Variants in SPPL3 observed in about 807,000 individuals in gnomAD.
The protein encoded by SPPL3 is signal peptide peptidase like 3.
In SPPL3, 5 loss-of-function variants were observed where a neutral mutation model predicts 42.4. The observed-to-expected ratio is 0.12, with a 90% CI of 0.06 to 0.25. The LOEUF is 0.25. Ranked by LOEUF, SPPL3 falls within the 10% of genes least tolerant of loss-of-function variation. The pLI is 1.00. For missense variants in SPPL3, 235 were observed against 489.0 expected, an observed-to-expected ratio of 0.48 and a Z score of 4.90; for synonymous variants, 195 against 181.8, an observed-to-expected ratio of 1.07 and a Z score of -0.58.
chr12:120,835,604 C>T (rs1871591159), intron 1 of SPPL3: 1 of 152,198 alleles, frequency 6.6e-6, no homozygotes, highest in African/African-American at 2.4e-5. Context: ...AAACTCTTCT[C>T]CCTCTTAAAA....
intron 1 of SPPL3, among the ~76,000 whole-genome samples, chr12:120,887,236 AGT>A (rs915050660): frequency 1.2e-4 from 19 of 152,106 alleles, no homozygotes; most frequent in Non-Finnish European, 1.5e-4. Flanking sequence ...GCGTGAAATA[AGT>A]ATTTTTATGT....
At chr12:120,867,841 G>A (rs553023167) in intron 1 of SPPL3, among the ~76,000 whole-genome samples, 67 of 151,732 alleles carry the variant, frequency 4.4e-4, no homozygotes, top group African/African-American at 1.2e-3. Context: ...TCCACCTCCC[G>A]GGTTCAAGTG....
rs189351541 is a variant in SPPL3, at chr12:120,800,315, C to T, written c.102-8758G>A. Among the ~76,000 whole-genome samples, 333 of 152,154 alleles carry T rather than the reference C, an allele frequency of 2.2e-3. 1 individual carries two copies. The highest frequency in any genetic ancestry group is 7.7e-3 in the African/African-American group (321 of 41,504). The stretch of plus-strand genomic sequence containing the variant: ...GTTAGAAGTTCGAGACCAGCCTGGA[C>T]AACATGGTGAAACCCCGTCTCTACT... On this transcript the variant is annotated intron_variant, in intron 2 of 10. Coordinates refer to ENST00000353487, the MANE Select transcript of SPPL3 (RefSeq NM_139015.5).
intron 1 of SPPL3, among the ~76,000 whole-genome samples, chr12:120,895,888 G>A (rs912078321): frequency 2.0e-5 from 3 of 152,130 alleles, no homozygotes; most frequent in East Asian, 1.9e-4. Context: ...CGAAGAAACC[G>A]TAACAGAATG....
At chr12:120,903,008 T>C (rs1340284471) in intron 1 of SPPL3, among the ~76,000 whole-genome samples, 1 of 152,134 alleles carries the variant, frequency 6.6e-6, no homozygotes, top group South Asian at 2.1e-4. Context: ...AACTACACAG[T>C]AGCTTCTCGC....
At chr12:120,768,233 A>G in intron 8 of SPPL3, 92 bp downstream of exon 8, 1 of 1,448,070 alleles carries the variant, frequency 6.9e-7, no homozygotes, top group East Asian at 2.3e-5. Context: ...CCAGGTTGGG[A>G]TCAGAATGCT....
chr12:120,768,940 C>CAT lies in SPPL3; in HGVS notation c.609+11_609+12dup. 6.3e-7 allele frequency: 1 copy of CAT among 1,595,086 alleles called. No individual in the cohort carries two copies. The highest frequency in any genetic ancestry group is 8.5e-7 in the Non-Finnish European group (1 of 1,170,318). ...CAAAGAAGGGGAGGAGCTCCAAGGACATAAACGCTTACCCAAAAGACATCA... is the reference window on the plus strand; with the variant it reads ...CAAAGAAGGGGAGGAGCTCCAAGGACATATAAACGCTTACCCAAAAGACATCA... On this transcript the variant is annotated intron_variant, in intron 7 of 10. Coordinates refer to ENST00000353487, the MANE Select transcript of SPPL3 (RefSeq NM_139015.5).
intron 6 of SPPL3, among the ~76,000 whole-genome samples, chr12:120,774,902 G>C (rs1362134039): frequency 6.6e-6 from 1 of 151,916 alleles, no homozygotes; most frequent in East Asian, 1.9e-4. Context: ...AAAGTGTTGG[G>C]GGAAGTAAAT....
chr12:120,903,751 C>T lies in SPPL3; in HGVS notation c.23+94G>A. ...ACCCGCGCCCCCCCCCCACGACACG[C>T]ACCTGTTCTTCCTCCTCTTCCCCTC... On this transcript the variant is annotated intron_variant, in intron 1 of 10. Transcript: ENST00000353487. The T allele has an allele frequency of 3.7e-6, 3 of 814,796 alleles. No individual in the cohort carries two copies. The East Asian group carries it at 1.1e-4, about 30-fold the overall frequency. The allele number at this position is 814,796 out of a possible 1,614,324, so 50.5% of individuals were successfully genotyped here.
At chr12:120,777,265 A>T (rs1475686276) in intron 6 of SPPL3, among the ~76,000 whole-genome samples, 2 of 152,232 alleles carry the variant, frequency 1.3e-5, no homozygotes, top group African/African-American at 4.8e-5. Context: ...GGTAAGATTT[A>T]AGGGATATAC....
intron 1 of SPPL3, among the ~76,000 whole-genome samples, chr12:120,856,271 C>T (rs1374213811): frequency 6.6e-6 from 1 of 151,592 alleles, no homozygotes; most frequent in African/African-American, 2.4e-5. Flanking sequence ...AAAAGATTTC[C>T]CTTAATCTGA....
At chr12:120,784,647 C>T (rs1427151896) in intron 3 of SPPL3, 54 bp from the exon 4 acceptor site, 1 of 1,422,940 alleles carries the variant, frequency 7.0e-7, no homozygotes, top group Non-Finnish European at 9.6e-7. Context: ...GGCACTGTGC[C>T]TATGCACTTC....
At chr12:120,821,821 G>T (rs1009504415) in intron 1 of SPPL3, among the ~76,000 whole-genome samples, 4 of 152,124 alleles carry the variant, frequency 2.6e-5, no homozygotes, top group African/African-American at 9.7e-5. Context: ...GTGAATAATG[G>T]GTTGGGTTGG....
intron 1 of SPPL3, among the ~76,000 whole-genome samples, chr12:120,886,996 GAC>G (rs1873482652): frequency 6.8e-6 from 1 of 147,938 alleles, no homozygotes; most frequent in African/African-American, 2.5e-5. Flanking sequence ...TTTTTTTTGA[GAC>G]AGAATTACCC....
intron 1 of SPPL3, among the ~76,000 whole-genome samples, chr12:120,871,384 T>G (rs1752832925): frequency 6.6e-6 from 1 of 152,192 alleles, no homozygotes; most frequent in South Asian, 2.1e-4. Context: ...CAATCATCCC[T>G]TGGTATCCTG....
Position 120,765,082 on chromosome 12 carries a change from G to C in SPPL3, c.1084-12C>G, listed in dbSNP as rs763005540. 24 of 1,612,426 alleles carry C rather than the reference G, an allele frequency of 1.5e-5. No individual in the cohort carries two copies. The African/African-American group carries it at 2.9e-4, about 20-fold the overall frequency. ...CGCCGGAGGTCGCCCTGGGAAACAA[G>C]GGACTTTCTAAGTTACAGATTTAAA... On this transcript the variant is annotated splice_polypyrimidine_tract_variant and intron_variant, in intron 10 of 10. Transcript: ENST00000353487.
intron 2 of SPPL3, among the ~76,000 whole-genome samples, chr12:120,810,051 T>C (rs1211152059): frequency 6.6e-6 from 1 of 152,134 alleles, no homozygotes; most frequent in Admixed American, 6.5e-5. Context: ...TAGCTTATTG[T>C]ATCCTCAATC....
intron 1 of SPPL3, among the ~76,000 whole-genome samples, chr12:120,842,971 ACAACTT>A (rs1439026683): frequency 1.3e-5 from 2 of 152,292 alleles, no homozygotes; most frequent in African/African-American, 4.8e-5. Context: ...CACATACAAA[ACAACTT>A]CAACTATACA....
intron 1 of SPPL3, among the ~76,000 whole-genome samples, chr12:120,858,771 C>T (rs1872542077): frequency 6.6e-6 from 1 of 152,026 alleles, no homozygotes; most frequent in African/African-American, 2.4e-5. Context: ...GGAAGCATAA[C>T]AAAAACTAAA....
Sources: allele counts gnomAD v4.1 joint callset (sites outside exome capture counted in the v4.1 genomes callset), GRCh38; gene constraint gnomAD v4.1.1; transcripts MANE v1.5; gene names NCBI Gene and HGNC (gene_info 2026-07-23, HGNC 2026-07-21).